UNC13C: variants seen among roughly 807,000 people sequenced by gnomAD.
The protein encoded by UNC13C is protein unc-13 homolog C.
Under a neutral mutation model 245.4 loss-of-function variants are expected in UNC13C, and 174 were observed. That is an observed-to-expected ratio of 0.71 (90% CI 0.63 to 0.80). UNC13C has a LOEUF of 0.80. UNC13C is among the 30% of genes least tolerant of loss of function. The probability of loss-of-function intolerance (pLI) is 0.00; values close to 1 mark genes in which losing one functional copy is unlikely to be tolerated. For missense variants in UNC13C, 2,829 were observed against 2,602.9 expected (o/e 1.09, Z -1.89); for synonymous variants, 992 against 895.1 (o/e 1.11, Z -1.93).
intron 26 of UNC13C, among the ~76,000 whole-genome samples, chr15:54,534,935 A>G (rs1301547251): frequency 6.6e-6 from 1 of 152,170 alleles, no homozygotes; most frequent in Non-Finnish European, 1.5e-5. Context: ...TGAAAGATCA[A>G]TACCTGCCAA....
chr15:54,428,313 C>G (rs2140970932), intron 19 of UNC13C, among the ~76,000 whole-genome samples: 1 of 151,718 alleles, frequency 6.6e-6, no homozygotes, highest in Non-Finnish European at 1.5e-5. Flanking sequence ...TGCTGGAGGC[C>G]CTGTCTCTGA....
chr15:54,455,164 CCTCT>C (rs1203605020), intron 19 of UNC13C, among the ~76,000 whole-genome samples: 192 of 17,468 alleles, frequency 0.011, 3 homozygotes, highest in African/African-American at 0.023. Flanking sequence ...GAGTCATATT[CCTCT>C]CTCTCTCTCT....
intron 22 of UNC13C, among the ~76,000 whole-genome samples, chr15:54,504,340 A>C (rs1894370580): frequency 1.3e-5 from 2 of 152,172 alleles, no homozygotes; most frequent in South Asian, 4.1e-4. Flanking sequence ...ATGATAATTC[A>C]TTGAGCATTA....
chr15:54,026,045 T>G (rs1251848105), intron 2 of UNC13C, among the ~76,000 whole-genome samples: 1 of 152,198 alleles, frequency 6.6e-6, no homozygotes, highest in Non-Finnish European at 1.5e-5. Flanking sequence ...GCACACATAC[T>G]GGTGTTCCTA....
intron 21 of UNC13C, 92 bp downstream of exon 21, chr15:54,500,267 T>G: frequency 1.0e-6 from 1 of 964,784 alleles, no homozygotes; most frequent in Non-Finnish European, 1.5e-6. Flanking sequence ...CTCATTGTTA[T>G]TAATTGTTTC....
chr15:54,480,405 CT>C (rs1300322737), intron 19 of UNC13C, among the ~76,000 whole-genome samples: 2 of 126,804 alleles, frequency 1.6e-5, no homozygotes, highest in Non-Finnish European at 3.2e-5. Context: ...TTCGTTCATT[CT>C]TTTTTTACTC....
intron 2 of UNC13C, among the ~76,000 whole-genome samples, chr15:54,112,149 T>A (rs117745345): frequency 0.043 from 6,547 of 152,260 alleles, 195 homozygotes; most frequent in Middle Eastern, 0.072. Flanking sequence ...CATTTCCTCT[T>A]CACAACTTAT....
chr15:54,141,556 G>C (rs937756659), intron 2 of UNC13C, among the ~76,000 whole-genome samples: 1 of 151,906 alleles, frequency 6.6e-6, no homozygotes, highest in African/African-American at 2.4e-5. Context: ...AGAAGGTTTT[G>C]ATTTTTTATC....
At chr15:54,363,162 G>A (rs2039275254) in intron 17 of UNC13C, among the ~76,000 whole-genome samples, 1 of 152,212 alleles carries the variant, frequency 6.6e-6, no homozygotes, top group South Asian at 2.1e-4. Flanking sequence ...AGGCTGGAGT[G>A]CAATGGCACG....
At chr15:54,186,621 TCCAC>T (rs2033992908) in intron 4 of UNC13C, among the ~76,000 whole-genome samples, 1 of 151,778 alleles carries the variant, frequency 6.6e-6, no homozygotes, top group Non-Finnish European at 1.5e-5. Flanking sequence ...CAGAAAAAAA[TCCAC>T]CCACACTGTG....
chr15:53,975,264 A>T (rs1457853744), upstream of UNC13C, among the ~76,000 whole-genome samples: 1 of 152,256 alleles, frequency 6.6e-6, no homozygotes, highest in Non-Finnish European at 1.5e-5. Context: ...AAATTGCATA[A>T]GATGGTTTAT....
At chr15:54,171,371 C>T (rs532781248) in intron 4 of UNC13C, among the ~76,000 whole-genome samples, 2 of 151,968 alleles carry the variant, frequency 1.3e-5, no homozygotes, top group African/African-American at 4.8e-5. Context: ...GGATTAATAG[C>T]CAGAATATAC....
the UNC13C span, among the ~76,000 whole-genome samples, chr15:53,949,530 A>G: frequency 3.3e-5 from 5 of 152,170 alleles, no homozygotes; most frequent in African/African-American, 1.2e-4. Context: ...TTTTGCTTCT[A>G]TTTCTCTATA....
chr15:53,927,773 C>G, the UNC13C span, among the ~76,000 whole-genome samples: 2 of 152,162 alleles, frequency 1.3e-5, no homozygotes, highest in Admixed American at 6.5e-5. Context: ...CTTGATCTGA[C>G]TTGCAGATGT....
chr15:54,478,834 G>A (rs1430708500), intron 19 of UNC13C, among the ~76,000 whole-genome samples: 1 of 152,050 alleles, frequency 6.6e-6, no homozygotes, highest in African/African-American at 2.4e-5. Context: ...GGTCCGCTTG[G>A]TGCAGAGCTG....
intron 4 of UNC13C, among the ~76,000 whole-genome samples, chr15:54,204,413 G>A (rs1348410524): frequency 6.6e-6 from 1 of 151,220 alleles, no homozygotes; most frequent in Non-Finnish European, 1.5e-5. Flanking sequence ...AGTAGTATAA[G>A]GGCTGTAGGC....
At chr15:53,913,818 G>A in the UNC13C span, 1 of 152,186 alleles carries the variant, frequency 6.6e-6, no homozygotes, top group East Asian at 1.9e-4. Context: ...AATAGGGCTT[G>A]GTACACAGAT....
At chr15:53,942,388 A>G in the UNC13C span, among the ~76,000 whole-genome samples, 9 of 152,124 alleles carry the variant, frequency 5.9e-5, no homozygotes, top group South Asian at 1.7e-3. Context: ...AACCACATAC[A>G]CTGGGCCTGT....
intron 19 of UNC13C, among the ~76,000 whole-genome samples, chr15:54,442,366 G>T (rs992554853): frequency 6.6e-6 from 1 of 151,436 alleles, no homozygotes; most frequent in Non-Finnish European, 1.5e-5. Flanking sequence ...GGGATTACAG[G>T]CATCTGCCAT....
Sources: gnomAD v4.1 joint callset for allele counts (sites outside exome capture counted in the v4.1 genomes callset) on GRCh38, gnomAD v4.1.1 for gene constraint, MANE v1.5 for transcripts, NCBI Gene and HGNC (gene_info 2026-07-23, HGNC 2026-07-21) for gene names.